The following SPATA13 variants were observed in gnomAD, a reference collection of about 807,000 sequenced individuals.
The protein encoded by SPATA13 is spermatogenesis-associated protein 13.
Under a neutral mutation model 104.0 loss-of-function variants are expected in SPATA13, and 50 were observed. That is an observed-to-expected ratio of 0.48 (90% confidence interval 0.38 to 0.61). The LOEUF is 0.61. SPATA13 is among the 20% of genes least tolerant of loss of function. The pLI is 0.00. For missense variants in SPATA13, 1,524 were observed against 1,690.6 expected (o/e 0.90, Z 1.73); for synonymous variants, 606 against 667.5 (o/e 0.91, Z 1.42).
intron 3 of SPATA13, chr13:24,122,347 T>G: frequency 6.6e-7 from 1 of 1,510,084 alleles, no homozygotes; most frequent in Non-Finnish European, 9.2e-7. Context: ...TTTAAATATC[T>G]GATACACATC....
chr13:23,981,811 A>T (rs1380602346), intron 1 of SPATA13, among the ~76,000 whole-genome samples: 1 of 152,218 alleles, frequency 6.6e-6, no homozygotes, highest in Non-Finnish European at 1.5e-5. Flanking sequence ...TTAAATCCTC[A>T]CTACCTGAAT....
rs1034285748 is a variant in SPATA13, at chr13:24,305,495, T to C, written c.*2722T>C. On this transcript the variant is annotated 3_prime_UTR_variant, in exon 13 of 13. Coordinates refer to ENST00000382108, the MANE Select transcript of SPATA13 (RefSeq NM_001166271.3). ...TGGGTTTTATTACCACATGCCTGAG[T>C]TCTTCAAGAATGGAAGGCTCAAGTA... is the stretch of plus-strand genomic sequence containing the variant. The C allele has an allele frequency of 3.3e-5, 5 of 152,156 alleles. No homozygotes were observed. The highest frequency in any genetic ancestry group is 6.5e-5 in the Admixed American group (1 of 15,282). 9.4% of individuals were successfully genotyped at this position (152,156 alleles called of 1,614,324 possible).
At chr13:24,210,765 GGT>G (rs1491468092) in intron 1 of SPATA13, among the ~76,000 whole-genome samples, 1 of 59,692 alleles carries the variant, frequency 1.7e-5, no homozygotes. Context: ...TGAATTTTAG[GGT>G]TTTTTTTTTT....
chr13:24,055,316 A>G (rs1185391837), intron 3 of SPATA13, among the ~76,000 whole-genome samples: 1 of 152,154 alleles, frequency 6.6e-6, no homozygotes, highest in African/African-American at 2.4e-5. Flanking sequence ...GGTACAGTGC[A>G]TCGTGTAAGA....
At chr13:24,281,276 C>T (rs1875496766) in intron 4 of SPATA13, among the ~76,000 whole-genome samples, 1 of 152,238 alleles carries the variant, frequency 6.6e-6, no homozygotes, top group Admixed American at 6.5e-5. Context: ...TCTTAGACAG[C>T]TCACTTTCAC....
intron 2 of SPATA13, among the ~76,000 whole-genome samples, chr13:24,003,792 T>C (rs1377903388): frequency 6.6e-6 from 1 of 152,244 alleles, no homozygotes; most frequent in Non-Finnish European, 1.5e-5. Context: ...GATTTTAAAA[T>C]ACTTCCTTTT....
intron 1 of SPATA13, among the ~76,000 whole-genome samples, chr13:24,171,555 A>G (rs575244467): frequency 5.3e-5 from 8 of 152,230 alleles, no homozygotes; most frequent in Non-Finnish European, 1.2e-4. Context: ...ATAATTACAA[A>G]TGGCCCAACA....
chr13:24,112,379 T>C (rs148256475), intron 3 of SPATA13, among the ~76,000 whole-genome samples: 2,310 of 152,288 alleles, frequency 0.015, 57 homozygotes, highest in African/African-American at 0.053. Flanking sequence ...GCTCCCCACA[T>C]TGTATGACAA....
chr13:24,057,363 T>G lies in SPATA13; in HGVS notation c.-112+39662T>G, dbSNP rs1414123769. ...CGGTCCTCTTGACAAAGTCCTGAAT[T>G]TTCCCCCTCTATCTGCAGAGGGGTC... On this transcript the variant is annotated intron_variant, in intron 3 of 14. Coordinates refer to the SPATA13 transcript ENST00000424834. Among the ~76,000 whole-genome samples the G allele has an allele frequency of 3.9e-5, 6 of 152,200 alleles. No individual in the cohort carries two copies. The East Asian group carries it at 7.8e-4, about 20-fold the overall frequency.
chr13:24,290,994 T>C (rs1876313351), intron 9 of SPATA13, 110 bp downstream of exon 9: 5 of 826,346 alleles, frequency 6.1e-6, no homozygotes, highest in South Asian at 5.3e-5. Context: ...CTTAACACTT[T>C]GGGAGCTCCA....
Position 24,297,015 on chromosome 13 carries a change from GTTGTTGTTGTTGTTTGTTTGT to G in SPATA13, c.3211-333_3211-313del, listed in dbSNP as rs553816089. Among the ~76,000 whole-genome samples the G allele has an allele frequency of 2.1e-4, 31 of 149,878 alleles. No individual in the cohort carries two copies. The South Asian group carries it at 6.4e-3, about 31-fold the overall frequency. ...GAATCCAAATTGGGAGTTTGTTTTT[GTTGTTGTTGTTGTTTGTTTGT>G]TTGTTGTTGTTGTTGTTTAGAGAGA... On this transcript the variant is annotated intron_variant, in intron 10 of 12. Coordinates refer to ENST00000382108, the MANE Select transcript of SPATA13 (RefSeq NM_001166271.3).
At chr13:24,134,851 G>A (rs746350673) in intron 3 of SPATA13, among the ~76,000 whole-genome samples, 3 of 152,172 alleles carry the variant, frequency 2.0e-5, no homozygotes, top group East Asian at 1.9e-4. Context: ...TTTCCAGAAC[G>A]TCAGGATGTG....
At chr13:24,066,996 G>T (rs1361034261) in intron 3 of SPATA13, among the ~76,000 whole-genome samples, 1 of 152,194 alleles carries the variant, frequency 6.6e-6, no homozygotes, top group East Asian at 1.9e-4. Flanking sequence ...TTAGAGCCCA[G>T]TGCCTTTCTC....
At chr13:24,004,550 C>G (rs763359763) in intron 2 of SPATA13, among the ~76,000 whole-genome samples, 1 of 152,132 alleles carries the variant, frequency 6.6e-6, no homozygotes, top group Non-Finnish European at 1.5e-5. Flanking sequence ...AGGGCTGCCC[C>G]CTTATGAAGG....
intron 2 of SPATA13, among the ~76,000 whole-genome samples, chr13:24,246,851 G>C (rs781362011): frequency 6.6e-6 from 1 of 151,756 alleles, no homozygotes; most frequent in East Asian, 1.9e-4. Flanking sequence ...GACAGAGTAC[G>C]ACTCCATCTC....
At chr13:24,231,483 G>A (rs1348010381) in intron 2 of SPATA13, among the ~76,000 whole-genome samples, 2 of 152,072 alleles carry the variant, frequency 1.3e-5, no homozygotes, top group African/African-American at 4.8e-5. Context: ...TATCTATACC[G>A]CACTTTGTTA....
intron 3 of SPATA13, among the ~76,000 whole-genome samples, chr13:24,103,812 C>G (rs1031822679): frequency 1.3e-5 from 2 of 152,028 alleles, no homozygotes; most frequent in Admixed American, 6.6e-5. Flanking sequence ...CATCTACATC[C>G]CTTTCCAGAG....
chr13:24,147,957 T>C (rs1038342626), intron 3 of SPATA13, among the ~76,000 whole-genome samples: 1 of 152,226 alleles, frequency 6.6e-6, no homozygotes, highest in African/African-American at 2.4e-5. Context: ...TAATATTCTA[T>C]TGTATGTATA....
chr13:24,087,175 C>G (rs980961045), intron 3 of SPATA13, among the ~76,000 whole-genome samples: 21 of 152,088 alleles, frequency 1.4e-4, no homozygotes, highest in Non-Finnish European at 2.2e-4. Flanking sequence ...GGCAATGTCA[C>G]CACTCCCAGA....
Sources: allele counts gnomAD v4.1 joint callset (sites outside exome capture counted in the v4.1 genomes callset), GRCh38; gene constraint gnomAD v4.1.1; transcripts MANE v1.5; gene names NCBI Gene and HGNC (gene_info 2026-07-23, HGNC 2026-07-21).